Variants in SERINC5 observed in about 807,000 individuals in gnomAD.
SERINC5 encodes the protein serine incorporator 5.
Under a neutral mutation model 63.1 loss-of-function variants are expected in SERINC5, and 41 were observed. That is an observed-to-expected ratio of 0.65 (90% CI 0.51 to 0.84). The LOEUF (loss-of-function observed/expected upper bound fraction) is 0.84, where lower values mean the gene tolerates loss of function less well. Ranked by LOEUF, SERINC5 falls within the 40% of genes least tolerant of loss-of-function variation. The pLI is 0.00. For missense variants in SERINC5, 523 were observed against 573.0 expected (o/e 0.91, Z 0.89); for synonymous variants, 222 against 215.2 (o/e 1.03, Z -0.28).
At position 80,173,595 on chromosome 5, in the gene SERINC5, C is replaced by CAAAAGAAAAG. The variant is rs60584691; in HGVS notation, c.551+1349_551+1358dup. ...TGGGCGACAGAACGAGACTCTGTCT[C>CAAAAGAAAAG]AAAAGAAAAGAAAAGAAAAGAAAAG... On this transcript the variant is annotated intron_variant, in intron 5 of 11. Transcript: ENST00000507668. Among the ~76,000 whole-genome samples the CAAAAGAAAAG allele has an allele frequency of 2.5e-3, 376 of 151,196 alleles. 3 individuals carry two copies. The highest frequency in any genetic ancestry group is 0.013 in the South Asian group (59 of 4,682).
chr5:80,151,190 G>A (rs975563562), intron 8 of SERINC5, among the ~76,000 whole-genome samples: 4 of 152,178 alleles, frequency 2.6e-5, no homozygotes, highest in Non-Finnish European at 5.9e-5. Flanking sequence ...AAGGTTGTAG[G>A]TAGAGAAGTA....
In SERINC5 at chr5:80,255,958, C is replaced by T; in HGVS notation, c.-36G>A. ...AATGCCGAAGGCGCGCTCGCTGGCT[C>T]CCCGCGCCGCACGGGCCCTCCTGGC... On this transcript the variant is annotated 5_prime_UTR_variant, in exon 1 of 12. Transcript: ENST00000507668. The T allele has an allele frequency of 6.6e-7, 1 of 1,513,570 alleles. No individual in the cohort carries two copies. Among genetic ancestry groups the T allele is most frequent in the African/African-American group, 1.4e-5 (1 of 69,620 alleles). 93.8% of individuals were successfully genotyped at this position (1,513,570 alleles called of 1,614,324 possible).
chr5:80,251,693 G>A (rs1175203020), intron 1 of SERINC5, among the ~76,000 whole-genome samples: 1 of 149,660 alleles, frequency 6.7e-6, no homozygotes, highest in African/African-American at 2.5e-5. Flanking sequence ...TTGCGCCACT[G>A]CACTCCAGCC....
chr5:80,150,782 G>T, intron 9 of SERINC5, 100 bp downstream of exon 9: 1 of 860,862 alleles, frequency 1.2e-6, no homozygotes, highest in South Asian at 1.4e-5. Context: ...AGAAAAACAG[G>T]ATCACGGAAT....
intron 2 of SERINC5, among the ~76,000 whole-genome samples, chr5:80,181,857 C>G (rs1242316227): frequency 6.6e-6 from 1 of 152,292 alleles, no homozygotes; most frequent in Admixed American, 6.5e-5. Flanking sequence ...CTGCCCACAT[C>G]AAAGACTGTT....
chr5:80,249,671 G>C (rs554121695), intron 1 of SERINC5, among the ~76,000 whole-genome samples: 2 of 151,692 alleles, frequency 1.3e-5, no homozygotes, highest in African/African-American at 4.8e-5. Context: ...GCGTGGTGGC[G>C]GGCACCTGTA....
chr5:80,235,618 G>A (rs1370445532), intron 1 of SERINC5, among the ~76,000 whole-genome samples: 1 of 151,904 alleles, frequency 6.6e-6, no homozygotes, highest in Non-Finnish European at 1.5e-5. Flanking sequence ...TTGTTTTTGA[G>A]ACAAGTCTTG....
chr5:80,214,714 T>C (rs1469526997), intron 1 of SERINC5, among the ~76,000 whole-genome samples: 4 of 152,094 alleles, frequency 2.6e-5, no homozygotes, highest in Admixed American at 6.5e-5. Context: ...CTGACCAACA[T>C]GGTGAAACTC....
rs568078392 is a variant in SERINC5 at position 80,143,097 on chromosome 5, G to A, written c.*566C>T. 29 of 985,442 alleles carry A rather than the reference G, an allele frequency of 2.9e-5. No homozygotes were observed. Among genetic ancestry groups the A allele is most frequent in the Admixed American group, 1.2e-4 (2 of 16,288 alleles). The allele number at this position is 985,442 out of a possible 1,614,324, so 61.0% of individuals were successfully genotyped here. Reference sequence around the variant, plus strand: ...TCACAACCTCAAAGGGAAACGTTTAGGGGCCGTGAAGAGGCAGCACTGAGG... The same window carrying A: ...TCACAACCTCAAAGGGAAACGTTTAAGGGCCGTGAAGAGGCAGCACTGAGG... On this transcript the variant is annotated 3_prime_UTR_variant, in exon 12 of 12. Coordinates refer to ENST00000507668, the MANE Select transcript of SERINC5 (RefSeq NM_001174072.3).
At chr5:80,176,822 C>G (rs1431387966) in intron 4 of SERINC5, among the ~76,000 whole-genome samples, 1 of 152,106 alleles carries the variant, frequency 6.6e-6, no homozygotes, top group African/African-American at 2.4e-5. Flanking sequence ...AGGTTTTTCC[C>G]TCAGCTCATA....
At position 80,142,284 on chromosome 5, in the gene SERINC5, T is replaced by G. The variant is rs1745555984; in HGVS notation, c.*1379A>C. 1.0e-6 allele frequency: 1 copy of G among 985,314 alleles called. No individual in the cohort carries two copies. Among genetic ancestry groups the G allele is most frequent in the South Asian group, 4.7e-5 (1 of 21,292 alleles). The allele number at this position is 985,314 out of a possible 1,614,324, so 61.0% of individuals were successfully genotyped here. A position where few individuals can be genotyped will look rare whatever the true frequency, so the allele number is the denominator to read the frequency against. On this transcript the variant is annotated 3_prime_UTR_variant, in exon 12 of 12. Coordinates refer to ENST00000507668, the MANE Select transcript of SERINC5 (RefSeq NM_001174072.3). Reference sequence around the variant, plus strand: ...CTTTGCAAGTACGTATTTTGGAAATTCCTGTGCAGCGTGATCTCGGCTCAC... The same window carrying G: ...CTTTGCAAGTACGTATTTTGGAAATGCCTGTGCAGCGTGATCTCGGCTCAC...
rs1745530004 is a variant in SERINC5, at chr5:80,141,871, C to A, written c.*1792G>T. 1 of 985,316 alleles carries A rather than the reference C, an allele frequency of 1.0e-6. No homozygotes were observed. The highest frequency in any genetic ancestry group is 6.1e-5 in the Admixed American group (1 of 16,274). The allele number at this position is 985,316 out of a possible 1,614,324, so 61.0% of individuals were successfully genotyped here. Reference sequence around the variant, plus strand: ...CACACAGATGGAGTGCCTTTTGAAACTGAATCTCAAACACTCTAAGTAGGG... The same window carrying A: ...CACACAGATGGAGTGCCTTTTGAAAATGAATCTCAAACACTCTAAGTAGGG... On this transcript the variant is annotated 3_prime_UTR_variant, in exon 12 of 12. Transcript: ENST00000507668.
Position 80,177,294 on chromosome 5 carries a change from C to G in SERINC5, c.457+21G>C, listed in dbSNP as rs140938569. 4,140 of 1,562,840 alleles carry G rather than the reference C, an allele frequency of 2.6e-3. 106 individuals are homozygous for G. The African/African-American group carries it at 0.05, about 19-fold the overall frequency. On this transcript the variant is annotated intron_variant, in intron 4 of 11. Coordinates refer to ENST00000507668, the MANE Select transcript of SERINC5 (RefSeq NM_001174072.3). ...TGGGTAAAAACAAAATAAACAGATA[C>G]CCAAAATACCCCATTAGTACCGTTC...
In SERINC5 at chr5:80,232,964, G is replaced by A. The variant is rs144424818; in HGVS notation, c.27+22932C>T. Among the ~76,000 whole-genome samples, 1,047 of 152,252 alleles carry A rather than the reference G, an allele frequency of 6.9e-3. 13 individuals carry two copies. The highest frequency in any genetic ancestry group is 0.024 in the African/African-American group (980 of 41,552). On this transcript the variant is annotated intron_variant, in intron 1 of 11. Coordinates refer to ENST00000507668, the MANE Select transcript of SERINC5 (RefSeq NM_001174072.3). ...GATTAACAATTGCCAGGGCTCTGAG[G>A]GAGTTTGGGAGGGAACTGGGAGTGA...
chr5:80,221,967 AG>A (rs1489483736), intron 1 of SERINC5, among the ~76,000 whole-genome samples: 5 of 151,822 alleles, frequency 3.3e-5, no homozygotes, highest in Non-Finnish European at 7.4e-5. Context: ...GGTTGTGGGG[AG>A]ACATCAGCTC....
rs114241897 is a variant in SERINC5 at position 80,116,144 on chromosome 5, G to A, written c.1239-2519C>T. ...GCAATGCAAAAATAGGCACCTTGCC[G>A]TAGGCCTCTCTGGCACTCCATCTTG... On this transcript the variant is annotated intron_variant, in intron 11 of 12. Transcript: ENST00000509193. 3,149 of 367,742 alleles carry A rather than the reference G, an allele frequency of 8.6e-3. 76 individuals carry two copies. Among genetic ancestry groups the A allele is most frequent in the South Asian group, 0.046 (2,239 of 48,538 alleles). The allele number at this position is 367,742 out of a possible 1,614,324, so 22.8% of individuals were successfully genotyped here. A position where few individuals can be genotyped will look rare whatever the true frequency, so the allele number is the denominator to read the frequency against.
chr5:80,217,935 C>G (rs1213431459), intron 1 of SERINC5, among the ~76,000 whole-genome samples: 1 of 152,190 alleles, frequency 6.6e-6, no homozygotes, highest in Non-Finnish European at 1.5e-5. Context: ...CATCAAAAAA[C>G]ACATCAGTGC....
chr5:80,139,424 T>C lies in SERINC5; in HGVS notation c.*4239A>G. ...CATCATTTTACTCATGTGAATATGA[T>C]TAAACTCCTATAGAAGTGGATTGGG... On this transcript the variant is annotated 3_prime_UTR_variant, in exon 12 of 12. Coordinates refer to ENST00000507668, the MANE Select transcript of SERINC5 (RefSeq NM_001174072.3). 1.0e-6 allele frequency: 1 copy of C among 984,780 alleles called. No individual in the cohort carries two copies. The highest frequency in any genetic ancestry group is 1.2e-6 in the Non-Finnish European group (1 of 829,354). 61.0% of individuals were successfully genotyped at this position (984,780 alleles called of 1,614,324 possible).
At chr5:80,236,839 T>C (rs1452852119) in intron 1 of SERINC5, among the ~76,000 whole-genome samples, 2 of 150,976 alleles carry the variant, frequency 1.3e-5, no homozygotes, top group Non-Finnish European at 2.9e-5. Flanking sequence ...GTGTTTCTTT[T>C]TTCTTTTCTT....
Sources: allele counts gnomAD v4.1 joint callset (sites outside exome capture counted in the v4.1 genomes callset), GRCh38; gene constraint gnomAD v4.1.1; transcripts MANE v1.5; gene names NCBI Gene and HGNC (gene_info 2026-07-23, HGNC 2026-07-21).